The following HMGB3 variants were observed in gnomAD, a reference collection of about 807,000 sequenced individuals.
HMGB3 encodes the protein high mobility group protein B3.
A neutral mutation model predicts 12.9 loss-of-function variants in HMGB3; 1 was observed. That is an observed-to-expected ratio of 0.08 (90% CI 0.03 to 0.37). HMGB3 has a LOEUF of 0.37. Ranked by LOEUF, HMGB3 falls within the 10% of genes least tolerant of loss-of-function variation. HMGB3 has a pLI of 0.99. For missense variants in HMGB3, 74 were observed against 153.3 expected (o/e 0.48, Z 2.73); for synonymous variants, 61 against 53.9 (o/e 1.13, Z -0.57).
chrX:150,984,584 G>A, intron 1 of HMGB3: 1 of 749,196 alleles, frequency 1.3e-6, no homozygotes, highest in Non-Finnish European at 1.6e-6. Flanking sequence ...GCGGATTTCA[G>A]GGGCACTTTC....
At position 150,987,266 on chromosome X, in the gene HMGB3, C is replaced by T. The variant is rs1557425259; in HGVS notation, c.429C>T (p.Ile143=). The change falls in exon 4 of 5, where the codon ATC becomes ATT. Residue 143 remains isoleucine, a synonymous_variant. Coordinates refer to ENST00000325307, the MANE Select transcript of HMGB3 (RefSeq NM_005342.4). The part of the protein sequence containing the change: ...NLNDSEKQPY[I]TKAAKLKEKY... ...ATGACAGTGAAAAGCAGCCTTACAT[C>T]ACTAAGGCGGCAAAGCTGAAGGAGA... 1 of 1,209,689 alleles carries T rather than the reference C, an allele frequency of 8.3e-7. No individual in the cohort carries two copies. Among genetic ancestry groups the T allele is most frequent in the African/African-American group, 1.7e-5 (1 of 57,761 alleles).
At chrX:150,985,968 A>G (rs964661251) in intron 2 of HMGB3, 83 bp from the exon 3 acceptor site, 57 of 1,056,819 alleles carry the variant, frequency 5.4e-5, no homozygotes, top group Admixed American at 2.9e-4. Flanking sequence ...AAGTGGTTCT[A>G]GCAACTGCTA....
intron 1 of HMGB3, among the ~76,000 whole-genome samples, chrX:150,984,171 G>A (rs2048022894): frequency 1.0e-5 from 1 of 98,170 alleles, no homozygotes; most frequent in Non-Finnish European, 2.1e-5. Flanking sequence ...CCGCGGCCCG[G>A]GGCGGGCGGC....
chrX:150,988,694 G>A lies in HMGB3; in HGVS notation c.*780G>A, dbSNP rs782024707. ...CCTGTACTTAAACACGATTCGCAAC[G>A]TTCTGTTATTTTTTTTGTATGTTTA... is the stretch of plus-strand genomic sequence containing the variant. On this transcript the variant is annotated 3_prime_UTR_variant, in exon 5 of 5. Coordinates refer to ENST00000325307, the MANE Select transcript of HMGB3 (RefSeq NM_005342.4). The A allele has an allele frequency of 8.9e-6, 1 of 111,986 alleles. No homozygotes were observed. The highest frequency in any genetic ancestry group is 1.9e-5 in the Non-Finnish European group (1 of 53,186). 9.2% of individuals were successfully genotyped at this position (111,986 alleles called of 1,213,427 possible). A position where few individuals can be genotyped will look rare whatever the true frequency, so the allele number is the denominator to read the frequency against.
At chrX:150,986,270 T>C in intron 3 of HMGB3, 80 bp downstream of exon 3, 2 of 799,974 alleles carry the variant, frequency 2.5e-6, no homozygotes, top group South Asian at 6.7e-5. Context: ...TCGTCCTGTA[T>C]TTCATTTCAA....
intron 2 of HMGB3, 111 bp downstream of exon 2, chrX:150,985,860 C>T: frequency 2.3e-6 from 2 of 859,346 alleles, no homozygotes; most frequent in Non-Finnish European, 3.3e-6. Flanking sequence ...TTTACTTTTA[C>T]TTAGAATCAT....
At position 150,986,205 on chromosome X, in the gene HMGB3, G is replaced by A; in HGVS notation, c.290+15G>A. ...AAAAGGCCACCGTAAGTGACTATAG[G>A]ATTCAAGATAACAATTAATACCTTT... On this transcript the variant is annotated intron_variant, in intron 3 of 4. Transcript: ENST00000325307. 1 of 1,144,754 alleles carries A rather than the reference G, an allele frequency of 8.7e-7. No homozygotes were observed. Among genetic ancestry groups the A allele is most frequent in the Non-Finnish European group, 1.2e-6 (1 of 859,267 alleles). 94.3% of individuals were successfully genotyped at this position (1,144,754 alleles called of 1,213,427 possible). A position where few individuals can be genotyped will look rare whatever the true frequency, so the allele number is the denominator to read the frequency against.
Position 150,983,443 on chromosome X carries a change from G to A in HMGB3, c.-6+67G>A. 8.3e-6 allele frequency: 3 copies of A among 362,119 alleles called. No individual in the cohort carries two copies. In the South Asian group the frequency reaches 5.6e-4, roughly 67 times the overall value. 29.8% of individuals were successfully genotyped at this position (362,119 alleles called of 1,213,427 possible). On this transcript the variant is annotated intron_variant, in intron 1 of 4. Coordinates refer to ENST00000325307, the MANE Select transcript of HMGB3 (RefSeq NM_005342.4). ...CGCCGCCGCCGCCGCCGCCGCCGCC[G>A]CCGCCGCCGCAGCGCCCGCACAACT...
intron 1 of HMGB3, 62 bp from the exon 2 acceptor site, chrX:150,985,533 A>G: frequency 1.0e-6 from 1 of 964,542 alleles, no homozygotes. Flanking sequence ...TACGTCTTGT[A>G]CTTCTTGTCA....
Position 150,986,152 on chromosome X carries a change from CAAG to C in HMGB3, c.262_264del (p.Lys88del), listed in dbSNP as rs782712363. On this transcript the variant is annotated inframe_deletion, in exon 3 of 5. Coordinates refer to ENST00000325307, the MANE Select transcript of HMGB3 (RefSeq NM_005342.4). The stretch of plus-strand genomic sequence containing the variant: ...AGGATTATGGACCAGCTAAGGGAGG[CAAG>C]AAGAAGAAGGATCCTAATGCTCCCA... 2.4e-5 allele frequency: 29 copies of C among 1,199,423 alleles called. No individual in the cohort carries two copies. Among genetic ancestry groups the C allele is most frequent in the South Asian group, 5.4e-5 (3 of 55,344 alleles).
At chrX:150,982,592 A>T (rs2124441934), upstream of HMGB3, among the ~76,000 whole-genome samples, 1 of 112,894 alleles carries the variant, frequency 8.9e-6, no homozygotes, top group African/African-American at 3.2e-5. Flanking sequence ...AATTTCTCAC[A>T]AATTCTCTGC....
intron 1 of HMGB3, 37 bp downstream of exon 1, chrX:150,983,413 GC>G (rs2048008687): frequency 2.3e-5 from 2 of 87,351 alleles, no homozygotes; most frequent in Non-Finnish European, 2.7e-5. Flanking sequence ...CGCCGCCGCC[GC>G]CGCCGCCGCC....
At chrX:150,980,893 C>A (rs1271945025), upstream of HMGB3, among the ~76,000 whole-genome samples, 1 of 112,655 alleles carries the variant, frequency 8.9e-6, no homozygotes, top group African/African-American at 3.2e-5. Context: ...GGGCCCACCA[C>A]CCTGGTTCCC....
At chrX:150,982,980 G>A (rs893099495), upstream of HMGB3, among the ~76,000 whole-genome samples, 10 of 113,211 alleles carry the variant, frequency 8.8e-5, no homozygotes, top group African/African-American at 2.9e-4. Context: ...AGCGCAGCGG[G>A]GCTGGACTTC....
chrX:150,986,652 C>T (rs1252941033), intron 3 of HMGB3, among the ~76,000 whole-genome samples: 4 of 111,118 alleles, frequency 3.6e-5, no homozygotes, highest in South Asian at 3.8e-4. Context: ...CACACACACA[C>T]GCATACATAT....
rs1207920258 is a variant in HMGB3, at chrX:150,989,053, C to CTA, written c.*1141_*1142dup. ...GGAAGGTGGGTGATTAGGACTGAGG[C>CTA]TATCTAGGTTTAACTTTTGTCCCAC... is the stretch of plus-strand genomic sequence containing the variant. On this transcript the variant is annotated 3_prime_UTR_variant, in exon 5 of 5. Coordinates refer to ENST00000325307, the MANE Select transcript of HMGB3 (RefSeq NM_005342.4). 1 of 111,837 alleles carries CTA rather than the reference C, an allele frequency of 8.9e-6. No individual in the cohort carries two copies. Among genetic ancestry groups the CTA allele is most frequent in the Non-Finnish European group, 1.9e-5 (1 of 53,191 alleles). 9.2% of individuals were successfully genotyped at this position (111,837 alleles called of 1,213,427 possible). A position where few individuals can be genotyped will look rare whatever the true frequency, so the allele number is the denominator to read the frequency against.
In HMGB3 at chrX:150,983,402, C is replaced by CT. The variant is rs1188059496; in HGVS notation, c.-6+26_-6+27insT. ...GTACGTCTCGCACCGCCCGCTCCCG[C>CT]CGCCGCCGCCGCCGCCGCCGCCGCC... On this transcript the variant is annotated intron_variant, in intron 1 of 4. Coordinates refer to ENST00000325307, the MANE Select transcript of HMGB3 (RefSeq NM_005342.4). 2.6e-3 allele frequency: 16 copies of CT among 6,238 alleles called. No individual in the cohort carries two copies. The East Asian group carries it at 0.32, about 124-fold the overall frequency. 0.5% of individuals were successfully genotyped at this position (6,238 alleles called of 1,213,427 possible).
chrX:150,985,493 A>T, intron 1 of HMGB3, 102 bp from the exon 2 acceptor site: 1 of 562,210 alleles, frequency 1.8e-6, no homozygotes, highest in Non-Finnish European at 2.7e-6. Context: ...CCTAACAGCA[A>T]GTGTAGTTTT....
upstream of HMGB3, among the ~76,000 whole-genome samples, chrX:150,980,936 C>T (rs2047989307): frequency 8.9e-6 from 1 of 112,915 alleles, no homozygotes; most frequent in South Asian, 3.6e-4. Flanking sequence ...TGCCGTGTCA[C>T]TTGCCACTGT....
Sources: allele counts gnomAD v4.1 joint callset (sites outside exome capture counted in the v4.1 genomes callset), GRCh38; gene constraint gnomAD v4.1.1; transcripts MANE v1.5; gene names NCBI Gene and HGNC (gene_info 2026-07-23, HGNC 2026-07-21).